The following ARHGAP26 variants were observed in gnomAD, a reference collection of about 807,000 sequenced individuals.
ARHGAP26 encodes rho GTPase-activating protein 26.
Under a neutral mutation model 104.8 loss-of-function variants are expected in ARHGAP26, and 38 were observed. That is an observed-to-expected ratio of 0.36 (90% CI 0.28 to 0.48). The LOEUF is 0.48. ARHGAP26 is among the 20% of genes least tolerant of loss of function. The pLI is 0.99. For synonymous variants in ARHGAP26, 341 were observed against 340.0 expected, an observed-to-expected ratio of 1.00 and a Z score of -0.03; for missense variants, 704 against 947.9, an observed-to-expected ratio of 0.74 and a Z score of 3.38.
At chr5:142,964,262 A>G (rs1193192638) in intron 11 of ARHGAP26, among the ~76,000 whole-genome samples, 4 of 152,164 alleles carry the variant, frequency 2.6e-5, no homozygotes, top group Admixed American at 6.5e-5. Context: ...CAGTTTCCCA[A>G]ACTTTAGTTT....
At chr5:142,840,285 G>A (rs1770500712) in intron 1 of ARHGAP26, among the ~76,000 whole-genome samples, 1 of 152,188 alleles carries the variant, frequency 6.6e-6, no homozygotes, top group Non-Finnish European at 1.5e-5. Context: ...TGTTTATTCA[G>A]AACTATGTAA....
intron 8 of ARHGAP26, among the ~76,000 whole-genome samples, chr5:142,905,016 C>T (rs1333837303): frequency 6.6e-6 from 1 of 152,032 alleles, no homozygotes; most frequent in Non-Finnish European, 1.5e-5. Flanking sequence ...GATTACATTC[C>T]TTATTCTTAC....
chr5:143,072,356 T>G (rs75646501), intron 17 of ARHGAP26, among the ~76,000 whole-genome samples: 2,138 of 152,270 alleles, frequency 0.014, 52 homozygotes, highest in African/African-American at 0.049. Flanking sequence ...GAGGTTTCTT[T>G]AAAAACTGAA....
At chr5:143,048,447 G>A (rs1327192157) in intron 14 of ARHGAP26, among the ~76,000 whole-genome samples, 1 of 151,008 alleles carries the variant, frequency 6.6e-6, no homozygotes, top group Non-Finnish European at 1.5e-5. Context: ...TTTTAGTAGA[G>A]ACGGGGTTTC....
At chr5:143,052,218 T>C (rs1001981823) in intron 14 of ARHGAP26, among the ~76,000 whole-genome samples, 7 of 152,266 alleles carry the variant, frequency 4.6e-5, no homozygotes, top group Non-Finnish European at 7.4e-5. Context: ...ATGCCTGTAA[T>C]CCCAGCACTT....
intron 21 of ARHGAP26, among the ~76,000 whole-genome samples, chr5:143,209,830 A>G (rs979722217): frequency 6.6e-6 from 1 of 152,040 alleles, no homozygotes; most frequent in Admixed American, 6.6e-5. Context: ...GTGTGTGCCC[A>G]GATGAGCACA....
intron 20 of ARHGAP26, among the ~76,000 whole-genome samples, chr5:143,194,564 C>A (rs1427707976): frequency 6.6e-6 from 1 of 151,344 alleles, no homozygotes; most frequent in African/African-American, 2.4e-5. Flanking sequence ...TTGGATCCAC[C>A]TCAGATTTGG....
At chr5:143,174,350 G>A (rs1240558106) in intron 20 of ARHGAP26, among the ~76,000 whole-genome samples, 1 of 152,190 alleles carries the variant, frequency 6.6e-6, no homozygotes, top group Non-Finnish European at 1.5e-5. Flanking sequence ...TCAGGATTCA[G>A]AACAATGTGA....
intron 12 of ARHGAP26, among the ~76,000 whole-genome samples, chr5:143,020,458 G>A (rs947262147): frequency 6.6e-6 from 1 of 152,116 alleles, no homozygotes; most frequent in East Asian, 1.9e-4. Flanking sequence ...TACCCAGGGT[G>A]CAGACTACAT....
At chr5:142,978,920 A>T (rs552362767) in intron 11 of ARHGAP26, among the ~76,000 whole-genome samples, 1 of 152,336 alleles carries the variant, frequency 6.6e-6, no homozygotes, top group African/African-American at 2.4e-5. Flanking sequence ...AGCATTGCTG[A>T]TTCATATCCT....
At chr5:143,006,342 T>A (rs1307611913) in intron 11 of ARHGAP26, among the ~76,000 whole-genome samples, 1 of 149,664 alleles carries the variant, frequency 6.7e-6, no homozygotes, top group Admixed American at 6.6e-5. Flanking sequence ...TTTTTTTAAT[T>A]GCAGTTTCTC....
chr5:142,845,674 A>C (rs462586), intron 1 of ARHGAP26, among the ~76,000 whole-genome samples: 17,405 of 152,186 alleles, frequency 0.11, 1,498 homozygotes, highest in East Asian at 0.46. Flanking sequence ...TCTCAGTACT[A>C]AAATCAGCTA....
intron 21 of ARHGAP26, among the ~76,000 whole-genome samples, chr5:143,213,167 A>T (rs1809780662): frequency 6.6e-6 from 1 of 152,160 alleles, no homozygotes; most frequent in Non-Finnish European, 1.5e-5. Context: ...AAAACTACTG[A>T]TGCCTGTATA....
chr5:143,188,837 AAGG>A (rs1456051410), intron 20 of ARHGAP26, among the ~76,000 whole-genome samples: 2 of 152,344 alleles, frequency 1.3e-5, no homozygotes, highest in Admixed American at 1.3e-4. Context: ...AACCTAGAAA[AAGG>A]AGGTGTAATA....
chr5:143,028,259 C>T (rs1541448), intron 12 of ARHGAP26, among the ~76,000 whole-genome samples: 82,914 of 152,066 alleles, frequency 0.55, 25,671 homozygotes, highest in Non-Finnish European at 0.71. Context: ...GTGTTAGCCA[C>T]GGTTATCATT....
intron 1 of ARHGAP26, chr5:142,772,833 G>A (rs747444227): frequency 9.4e-6 from 5 of 533,352 alleles, no homozygotes; most frequent in African/African-American, 1.9e-5. Flanking sequence ...TTCTATTTTG[G>A]CATTGAATCT....
intron 20 of ARHGAP26, chr5:143,202,100 G>A (rs974677399): frequency 1.3e-5 from 2 of 152,170 alleles, no homozygotes; most frequent in Admixed American, 6.5e-5. Context: ...GGGTGCTCCT[G>A]TATTAGGTAC....
chr5:142,949,562 T>C (rs1201262934), intron 11 of ARHGAP26, among the ~76,000 whole-genome samples: 1 of 152,210 alleles, frequency 6.6e-6, no homozygotes, highest in African/African-American at 2.4e-5. Context: ...GTATTTTTTC[T>C]TTGGCTCAAG....
In ARHGAP26 at chr5:143,095,780, C is replaced by T. The variant is rs982703289; in HGVS notation, c.1539-25208C>T. On this transcript the variant is annotated intron_variant, in intron 17 of 22. Transcript: ENST00000645722. ...TAGAGATGGGGTTTCACCATGTTGG[C>T]CAGGCTGTCTCAAACTCCTGACCTC... Among the ~76,000 whole-genome samples, 6 of 152,252 alleles carry T rather than the reference C, an allele frequency of 3.9e-5. No homozygotes were observed. In the East Asian group the frequency reaches 1.2e-3, roughly 29 times the overall value.
Sources: gnomAD v4.1 joint callset for allele counts (sites outside exome capture counted in the v4.1 genomes callset) on GRCh38, gnomAD v4.1.1 for gene constraint, MANE v1.5 for transcripts, NCBI Gene and HGNC (gene_info 2026-07-23, HGNC 2026-07-21) for gene names.